The following CHL1 variants were observed in gnomAD, a reference collection of about 807,000 sequenced individuals.
CHL1 encodes the protein neural cell adhesion molecule L1-like protein.
A neutral mutation model predicts 141.9 loss-of-function variants in CHL1; 96 were observed. The observed-to-expected ratio is 0.68, with a 90% CI of 0.57 to 0.80. The LOEUF (loss-of-function observed/expected upper bound fraction) is 0.80. Among genes scored for constraint, CHL1 ranks in the 30% least tolerant of loss-of-function variants. CHL1 has a pLI of 0.00. For missense variants in CHL1, 1,820 were observed against 1,457.2 expected (o/e 1.25, Z -4.05); for synonymous variants, 613 against 502.2 (o/e 1.22, Z -2.95).
intron 1 of CHL1, among the ~76,000 whole-genome samples, chr3:218,894 C>G (rs956425421): frequency 6.6e-6 from 1 of 152,134 alleles, no homozygotes; most frequent in South Asian, 2.1e-4. Flanking sequence ...CACCTGTAAT[C>G]CCAGCACTTT....
chr3:329,730 A>G (rs928340901), intron 5 of CHL1, among the ~76,000 whole-genome samples: 1 of 152,100 alleles, frequency 6.6e-6, no homozygotes, highest in African/African-American at 2.4e-5. Flanking sequence ...AACCTTAAGG[A>G]TACAGAATTG....
intron 1 of CHL1, among the ~76,000 whole-genome samples, chr3:201,273 T>C (rs1698908826): frequency 6.6e-6 from 1 of 152,210 alleles, no homozygotes. Flanking sequence ...TTTAAGTCAG[T>C]GCACAAATAG....
rs769936753 is a variant in CHL1 at position 349,483 on chromosome 3, C to T, written c.973C>T (p.Arg325Cys). 1.2e-5 allele frequency: 20 copies of T among 1,613,824 alleles called. No individual in the cohort carries two copies. The highest frequency in any genetic ancestry group is 8.9e-5 in the East Asian group (4 of 44,884). The change falls in exon 10 of 28, where the codon CGC becomes TGC. Residue 325 changes from arginine (R) to cysteine (C), a missense_variant. Coordinates refer to ENST00000256509, the MANE Select transcript of CHL1 (RefSeq NM_006614.4). ...CTCCTACCAGGACAAAGGAAATTAT[C>T]GCTGCACAGCCAGCAATTTCTTGGG... Reference protein sequence around the residue: ...NVSYQDKGNYRCTASNFLGTA... With the variant: ...NVSYQDKGNYCCTASNFLGTA...
intron 1 of CHL1, among the ~76,000 whole-genome samples, chr3:234,856 T>C (rs1691799477): frequency 6.6e-6 from 1 of 152,198 alleles, no homozygotes. Context: ...AGACCCTTTG[T>C]ACAATGCTCT....
intron 2 of CHL1, among the ~76,000 whole-genome samples, chr3:278,919 T>C (rs1270856514): frequency 6.6e-6 from 1 of 152,176 alleles, no homozygotes; most frequent in Admixed American, 6.5e-5. Flanking sequence ...AAGCATGAGT[T>C]TCAGATGTGA....
At chr3:249,903 C>A (rs960453128) in intron 2 of CHL1, among the ~76,000 whole-genome samples, 5 of 151,908 alleles carry the variant, frequency 3.3e-5, no homozygotes, top group Non-Finnish European at 7.4e-5. Context: ...TTTCTCTATT[C>A]TTCTAAAATC....
chr3:362,276 T>C (rs1704335161), intron 13 of CHL1, among the ~76,000 whole-genome samples: 1 of 152,182 alleles, frequency 6.6e-6, no homozygotes, highest in Non-Finnish European at 1.5e-5. Context: ...AAAGACATTA[T>C]CAATATGGAT....
At chr3:342,919 A>C in intron 7 of CHL1, 65 bp from the exon 8 acceptor site, 1 of 1,329,552 alleles carries the variant, frequency 7.5e-7, no homozygotes, top group South Asian at 1.4e-5. Flanking sequence ...ATGACTTTTC[A>C]TTCTTTATTG....
chr3:365,954 T>C lies in CHL1; in HGVS notation c.1590T>C (p.Ala530=). 6.2e-7 allele frequency: 1 copy of C among 1,612,316 alleles called. No individual in the cohort carries two copies. The highest frequency in any genetic ancestry group is 8.5e-7 in the Non-Finnish European group (1 of 1,178,894). ...ATCTTTGTTTGGTAAAAACAGATGCTACAAAACTTAGAGTTTCTCCTAAGA... is the reference window on the plus strand; with the variant it reads ...ATCTTTGTTTGGTAAAAACAGATGCCACAAAACTTAGAGTTTCTCCTAAGA... ...AVTANLDIRN[A]TKLRVSPKNP... Residue 530 remains alanine (A), a synonymous_variant, in exon 15 of 28, where the codon GCT becomes GCC. Transcript: ENST00000256509.
At position 390,771 on chromosome 3, in the gene CHL1, A is replaced by C. The variant is rs1202859146; in HGVS notation, c.2541A>C (p.Ser847=). Residue 847 remains serine (S), a synonymous_variant, in exon 21 of 28, where the codon TCA becomes TCC. Coordinates refer to ENST00000256509, the MANE Select transcript of CHL1 (RefSeq NM_006614.4). ...INSTLVKVTW[S]TVPKDRVHGR... is the part of the protein sequence containing the mutation. The stretch of plus-strand genomic sequence containing the variant: ...GTACATTAGTTAAAGTTACCTGGTC[A>C]ACAGTTCCAAAGGACAGAGTACATG... The C allele has an allele frequency of 6.2e-7, 1 of 1,612,634 alleles. No homozygotes were observed. The highest frequency in any genetic ancestry group is 2.2e-5 in the East Asian group (1 of 44,856).
At chr3:289,630 A>T (rs147965932) in intron 2 of CHL1, among the ~76,000 whole-genome samples, 1 of 152,194 alleles carries the variant, frequency 6.6e-6, no homozygotes, top group East Asian at 1.9e-4. Context: ...TCAATACATA[A>T]TCTTATTTTA....
chr3:222,590 A>G (rs542996429), intron 1 of CHL1, among the ~76,000 whole-genome samples: 2 of 152,272 alleles, frequency 1.3e-5, no homozygotes, highest in South Asian at 2.1e-4. Flanking sequence ...CCTTGGGAAA[A>G]CGAATAGATG....
intron 2 of CHL1, among the ~76,000 whole-genome samples, chr3:260,016 GCA>G (rs1694553920): frequency 1.3e-5 from 2 of 152,238 alleles, no homozygotes; most frequent in Admixed American, 1.3e-4. Context: ...TGCAATCCCA[GCA>G]CTCTAGGAGG....
rs779436992 is a variant in CHL1 at position 349,364 on chromosome 3, C to T, written c.854C>T (p.Thr285Ile). The change falls in exon 10 of 28, where the codon ACT (threonine) becomes ATT (isoleucine). Residue 285 changes from threonine to isoleucine, a missense_variant. Physicochemically the swap from Thr to Ile is moderately conservative, Grantham distance 89. Transcript: ENST00000256509. ...LLECFAEGLP[T>I]PQVDWNKIGG... is the part of the protein sequence containing the mutation. The stretch of plus-strand genomic sequence containing the variant: ...TATTTAACTATTTTTTGCAGGCCAA[C>T]TCCACAGGTTGATTGGAACAAAATT... 6.8e-6 allele frequency: 11 copies of T among 1,610,988 alleles called. No homozygotes were observed. The highest frequency in any genetic ancestry group is 1.6e-4 in the Middle Eastern group (1 of 6,070).
chr3:366,253 T>C, intron 15 of CHL1, 138 bp downstream of exon 15: 9 of 745,394 alleles, frequency 1.2e-5, no homozygotes, highest in South Asian at 3.5e-5. Flanking sequence ...AGTGGATCAC[T>C]TGAGGTCAGG....
intron 2 of CHL1, among the ~76,000 whole-genome samples, chr3:276,854 A>C (rs540837481): frequency 2.9e-4 from 39 of 136,274 alleles, no homozygotes; most frequent in African/African-American, 1.0e-3. Flanking sequence ...ATGCCACTGC[A>C]CTCCAGCCTG....
chr3:275,620 G>C (rs1447521226), intron 2 of CHL1, among the ~76,000 whole-genome samples: 2 of 152,134 alleles, frequency 1.3e-5, no homozygotes, highest in Non-Finnish European at 2.9e-5. Flanking sequence ...TCATAGGCAG[G>C]GAAGAGTAGA....
chr3:391,086 AAC>A lies in CHL1; in HGVS notation c.2720_2721del (p.Thr907SerfsTer5). The A allele has an allele frequency of 6.2e-7, 1 of 1,614,040 alleles. No individual in the cohort carries two copies. On this transcript the variant is annotated frameshift_variant, in exon 22 of 28. Transcript: ENST00000256509. LOFTEE classifies it high-confidence loss of function. ...SLDAFSEFHL[T>X]VLAYNSKGAG... Reference sequence around the variant, plus strand: ...TAGATGCCTTTAGTGAATTTCATTTAACAGTCTTAGCCTATAACTCTAAAGGA... The same window carrying A: ...TAGATGCCTTTAGTGAATTTCATTTAAGTCTTAGCCTATAACTCTAAAGGA...
chr3:204,538 G>A (rs1313941810), intron 1 of CHL1, among the ~76,000 whole-genome samples: 1 of 152,226 alleles, frequency 6.6e-6, no homozygotes, highest in African/African-American at 2.4e-5. Context: ...TGGATAAAAG[G>A]AATGTGGGGA....
Sources: allele counts gnomAD v4.1 joint callset (sites outside exome capture counted in the v4.1 genomes callset), GRCh38; gene constraint gnomAD v4.1.1; transcripts MANE v1.5; gene names NCBI Gene and HGNC (gene_info 2026-07-23, HGNC 2026-07-21).